The following WIPF3 variants were observed in gnomAD, a reference collection of about 807,000 sequenced individuals.
The protein encoded by WIPF3 is WAS/WASL-interacting protein family member 3.
In WIPF3, 33 loss-of-function variants were observed where a neutral mutation model predicts 38.9. The ratio of observed to expected loss-of-function variants is 0.85; its 90% CI spans 0.64 to 1.14. The LOEUF is 1.14. WIPF3 is among the 50% of genes most tolerant of loss of function. The pLI is 0.00. For synonymous variants in WIPF3, 324 were observed against 269.3 expected (o/e 1.20, Z -1.99); for missense variants, 711 against 652.5 (o/e 1.09, Z -0.98).
intron 8 of WIPF3, among the ~76,000 whole-genome samples, chr7:29,910,433 G>T (rs1786485238): frequency 6.6e-6 from 1 of 152,222 alleles, no homozygotes; most frequent in South Asian, 2.1e-4. Flanking sequence ...TATGAGACCA[G>T]CATTATCCTG....
chr7:29,807,850 C>T (rs1000625940), intron 1 of WIPF3, among the ~76,000 whole-genome samples: 3 of 152,134 alleles, frequency 2.0e-5, no homozygotes, highest in African/African-American at 4.8e-5. Flanking sequence ...GGTTTGTGCC[C>T]CTCCGCCTCC....
chr7:29,820,294 C>T (rs1784516334), intron 1 of WIPF3, among the ~76,000 whole-genome samples: 1 of 151,988 alleles, frequency 6.6e-6, no homozygotes, highest in Admixed American at 6.6e-5. Context: ...TTTGACTTTT[C>T]TCTGTTTCAA....
chr7:29,874,944 C>T (rs959674180), intron 2 of WIPF3, among the ~76,000 whole-genome samples: 1 of 152,154 alleles, frequency 6.6e-6, no homozygotes, highest in Non-Finnish European at 1.5e-5. Flanking sequence ...AGCACATGGC[C>T]TTTGGGATTC....
chr7:29,835,164 G>A (rs959298124), intron 2 of WIPF3, among the ~76,000 whole-genome samples: 1 of 151,996 alleles, frequency 6.6e-6, no homozygotes, highest in African/African-American at 2.4e-5. Flanking sequence ...GGCCAATGAG[G>A]CCTTGTGAAG....
chr7:29,810,551 G>A (rs1013285788), intron 1 of WIPF3, among the ~76,000 whole-genome samples: 1 of 152,198 alleles, frequency 6.6e-6, no homozygotes, highest in African/African-American at 2.4e-5. Context: ...TATTTGTTGT[G>A]TTTTATCTGT....
At chr7:29,899,009 G>A (rs1786217689) in intron 7 of WIPF3, among the ~76,000 whole-genome samples, 4 of 152,154 alleles carry the variant, frequency 2.6e-5, no homozygotes, top group Admixed American at 2.6e-4. Context: ...TCTGGAGGCT[G>A]AGAAGTCCAA....
chr7:29,911,813 T>C (rs1335890466), intron 8 of WIPF3, among the ~76,000 whole-genome samples: 1 of 152,156 alleles, frequency 6.6e-6, no homozygotes, highest in Non-Finnish European at 1.5e-5. Context: ...ATGTAGGACC[T>C]GAAACTGTAA....
intron 1 of WIPF3, among the ~76,000 whole-genome samples, chr7:29,821,700 T>C (rs1475863116): frequency 2.6e-5 from 4 of 152,234 alleles, no homozygotes; most frequent in African/African-American, 9.6e-5. Context: ...TTATGTCTTT[T>C]ACTCAGGAAA....
intron 1 of WIPF3, among the ~76,000 whole-genome samples, chr7:29,833,807 A>T (rs1376182803): frequency 1.3e-5 from 2 of 152,338 alleles, no homozygotes; most frequent in East Asian, 3.9e-4. Context: ...TTAGGTTCTT[A>T]TATAGGTTTT....
Position 29,901,884 on chromosome 7 carries a change from A to G in WIPF3, c.1352-2402A>G, listed in dbSNP as rs567998894. Among the ~76,000 whole-genome samples the G allele has an allele frequency of 2.0e-5, 3 of 151,708 alleles. No homozygotes were observed. In the East Asian group the frequency reaches 5.8e-4, roughly 29 times the overall value. On this transcript the variant is annotated intron_variant, in intron 7 of 8. Coordinates refer to ENST00000242140, the MANE Select transcript of WIPF3 (RefSeq NM_001080529.3). ...AAAGAAAAGAAAGAAAACCAGTGGG[A>G]ATTGCTAACCTATGGTGAAGCCTAT...
At chr7:29,820,319 T>C (rs993909416) in intron 1 of WIPF3, among the ~76,000 whole-genome samples, 13 of 152,144 alleles carry the variant, frequency 8.5e-5, no homozygotes, top group African/African-American at 2.7e-4. Flanking sequence ...GGTGTGTATC[T>C]TTTACACAGT....
chr7:29,858,412 A>C (rs1429037109), intron 2 of WIPF3, among the ~76,000 whole-genome samples: 1 of 152,194 alleles, frequency 6.6e-6, no homozygotes, highest in Non-Finnish European at 1.5e-5. Flanking sequence ...TTAGGTTCAG[A>C]GCAATGGTTA....
At chr7:29,810,317 C>T (rs1259486192) in intron 1 of WIPF3, among the ~76,000 whole-genome samples, 4 of 152,206 alleles carry the variant, frequency 2.6e-5, no homozygotes, top group African/African-American at 9.6e-5. Context: ...CTACCTGACT[C>T]TCTCTTATTG....
intron 1 of WIPF3, among the ~76,000 whole-genome samples, chr7:29,834,117 A>C (rs895735647): frequency 1.3e-5 from 2 of 152,318 alleles, no homozygotes; most frequent in East Asian, 3.9e-4. Context: ...TGACACAGGA[A>C]TAGCAGGGAA....
chr7:29,827,024 G>A (rs1784625978), intron 1 of WIPF3, among the ~76,000 whole-genome samples: 1 of 152,092 alleles, frequency 6.6e-6, no homozygotes, highest in South Asian at 2.1e-4. Flanking sequence ...GCTTAAAAAA[G>A]GGCTAATATA....
chr7:29,877,380 C>T (rs111275413), intron 3 of WIPF3, among the ~76,000 whole-genome samples: 1,893 of 152,338 alleles, frequency 0.012, 34 homozygotes, highest in African/African-American at 0.034. Flanking sequence ...GTCCAGTAAC[C>T]TTTAATCAAA....
chr7:29,820,012 T>C (rs189352563), intron 1 of WIPF3, among the ~76,000 whole-genome samples: 43 of 152,168 alleles, frequency 2.8e-4, no homozygotes, highest in Admixed American at 1.0e-3. Flanking sequence ...TATTTCCCCG[T>C]ACCTTGCAAT....
intron 3 of WIPF3, among the ~76,000 whole-genome samples, chr7:29,876,955 G>A (rs911439369): frequency 1.1e-4 from 16 of 151,776 alleles, no homozygotes; most frequent in East Asian, 3.9e-4. Flanking sequence ...TTTCTTGGTC[G>A]ATTGTTGAAA....
chr7:29,866,160 A>G (rs1174792433), intron 2 of WIPF3, among the ~76,000 whole-genome samples: 2 of 152,012 alleles, frequency 1.3e-5, no homozygotes, highest in Non-Finnish European at 2.9e-5. Context: ...CTCTGTCTCA[A>G]AAAAAAAGGA....
Sources: gnomAD v4.1 joint callset for allele counts (sites outside exome capture counted in the v4.1 genomes callset) on GRCh38, gnomAD v4.1.1 for gene constraint, MANE v1.5 for transcripts, NCBI Gene and HGNC (gene_info 2026-07-23, HGNC 2026-07-21) for gene names.